The following RGS21 variants were observed in gnomAD, a reference collection of about 807,000 sequenced individuals.
RGS21 encodes regulator of G protein signaling 21, also known as regulator of G-protein signalling 21.
A neutral mutation model predicts 18.7 loss-of-function variants in RGS21; 19 were observed. The observed-to-expected ratio is 1.01, with a 90% confidence interval of 0.71 to 1.49. RGS21 has a LOEUF of 1.49. Among genes scored for constraint, RGS21 ranks in the 40% most tolerant of loss-of-function variants. RGS21 has a pLI of 0.00. For synonymous variants in RGS21, 56 were observed against 57.8 expected, an observed-to-expected ratio of 0.97 and a Z score of 0.14; for missense variants, 194 against 176.8, an observed-to-expected ratio of 1.10 and a Z score of -0.55.
Position 192,351,257 on chromosome 1 carries a change from C to T in RGS21, c.89-790C>T, listed in dbSNP as rs138818275. Among the ~76,000 whole-genome samples the T allele has an allele frequency of 1.6e-3, 246 of 152,188 alleles. 1 individual carries two copies. The highest frequency in any genetic ancestry group is 5.7e-3 in the African/African-American group (235 of 41,552). The stretch of plus-strand genomic sequence containing the variant: ...GCCTTATGGAATTAAAGTTGCTTAT[C>T]GCCACATAAAGGGGAGAAGCATTCA... On this transcript the variant is annotated intron_variant, in intron 3 of 4. Transcript: ENST00000417209.
intron 1 of RGS21, among the ~76,000 whole-genome samples, chr1:192,332,933 C>A (rs769148378): frequency 6.7e-6 from 1 of 148,976 alleles, no homozygotes; most frequent in African/African-American, 2.5e-5. Flanking sequence ...CCAAAAGTCT[C>A]AAAAAAATTT....
intron 1 of RGS21, among the ~76,000 whole-genome samples, chr1:192,332,034 A>C (rs992558228): frequency 6.6e-6 from 1 of 152,124 alleles, no homozygotes; most frequent in Non-Finnish European, 1.5e-5. Flanking sequence ...CCATGGTAAA[A>C]ATTACTAATA....
At position 192,353,126 on chromosome 1, in the gene RGS21, G is replaced by A. The variant is rs77398028; in HGVS notation, c.255+913G>A. Among the ~76,000 whole-genome samples, 315 of 152,038 alleles carry A rather than the reference G, an allele frequency of 2.1e-3. 2 individuals are homozygous for A. Among genetic ancestry groups the A allele is most frequent in the African/African-American group, 7.2e-3 (298 of 41,542 alleles). On this transcript the variant is annotated intron_variant, in intron 4 of 4. Coordinates refer to ENST00000417209, the MANE Select transcript of RGS21 (RefSeq NM_001039152.3). ...GTTACTATGTATTCTGATCCAAAACGAGGATTCATGGTATGAGAGGATGGT... is the reference window on the plus strand; with the variant it reads ...GTTACTATGTATTCTGATCCAAAACAAGGATTCATGGTATGAGAGGATGGT...
At chr1:192,337,342 T>C (rs1464182072) in intron 1 of RGS21, among the ~76,000 whole-genome samples, 2 of 152,048 alleles carry the variant, frequency 1.3e-5, no homozygotes, top group Non-Finnish European at 2.9e-5. Context: ...TGGTATTCCA[T>C]TGAGCTAATT....
chr1:192,338,496 A>T (rs925977373), intron 1 of RGS21, among the ~76,000 whole-genome samples: 3 of 152,048 alleles, frequency 2.0e-5, no homozygotes, highest in Non-Finnish European at 2.9e-5. Flanking sequence ...TTTGTGGTGA[A>T]CTGTCGTGCT....
chr1:192,325,128 G>T (rs1422628953), intron 1 of RGS21, among the ~76,000 whole-genome samples: 2 of 152,020 alleles, frequency 1.3e-5, no homozygotes, highest in East Asian at 3.9e-4. Flanking sequence ...CACTCACGTA[G>T]TGAGCATAGT....
intron 1 of RGS21, among the ~76,000 whole-genome samples, chr1:192,333,986 A>C (rs1207874087): frequency 6.6e-6 from 1 of 152,190 alleles, no homozygotes; most frequent in Non-Finnish European, 1.5e-5. Context: ...AAAAAGTAAA[A>C]ACATGTTTAT....
At chr1:192,335,040 C>T (rs1316595930) in intron 1 of RGS21, among the ~76,000 whole-genome samples, 2 of 151,980 alleles carry the variant, frequency 1.3e-5, no homozygotes, top group South Asian at 2.1e-4. Flanking sequence ...GGTATGATCC[C>T]GAATAAACCT....
chr1:192,327,516 AG>A (rs1294947432), intron 1 of RGS21, among the ~76,000 whole-genome samples: 2 of 151,944 alleles, frequency 1.3e-5, no homozygotes, highest in Non-Finnish European at 2.9e-5. Context: ...CTTGTTGCCC[AG>A]GCTGGAGTGC....
intron 1 of RGS21, among the ~76,000 whole-genome samples, chr1:192,334,260 C>G (rs935154599): frequency 3.9e-5 from 6 of 152,014 alleles, no homozygotes; most frequent in African/African-American, 1.4e-4. Context: ...GTCATGTAAC[C>G]ATGAGTAAAA....
At chr1:192,335,379 C>T (rs865903405) in intron 1 of RGS21, among the ~76,000 whole-genome samples, 28 of 152,154 alleles carry the variant, frequency 1.8e-4, no homozygotes, top group African/African-American at 6.5e-4. Context: ...CACATGATAG[C>T]AGCTTACTAA....
Position 192,366,167 on chromosome 1 carries a change from T to C in RGS21, c.*43T>C. 9.0e-7 allele frequency: 1 copy of C among 1,116,358 alleles called. No individual in the cohort carries two copies. Among genetic ancestry groups the C allele is most frequent in the African/African-American group, 1.6e-5 (1 of 63,722 alleles). The allele number at this position is 1,116,358 out of a possible 1,614,324, so 69.2% of individuals were successfully genotyped here. On this transcript the variant is annotated 3_prime_UTR_variant, in exon 5 of 5. Transcript: ENST00000417209. ...TAATCACTATACTTCAGGGCTACAA[T>C]ATTTTAAATATACAAGCATGATGCA...
At chr1:192,352,909 C>T (rs1022296522) in intron 4 of RGS21, among the ~76,000 whole-genome samples, 1 of 152,026 alleles carries the variant, frequency 6.6e-6, no homozygotes, top group African/African-American at 2.4e-5. Context: ...AAAATTTTAA[C>T]TGTAAAGTTT....
chr1:192,356,064 A>C (rs1659107497), intron 4 of RGS21, among the ~76,000 whole-genome samples: 1 of 151,822 alleles, frequency 6.6e-6, no homozygotes, highest in Admixed American at 6.6e-5. Flanking sequence ...TTAATTCTTA[A>C]ATGTATCTAC....
intron 4 of RGS21, among the ~76,000 whole-genome samples, chr1:192,352,609 T>C (rs893432044): frequency 6.6e-6 from 1 of 152,088 alleles, no homozygotes; most frequent in African/African-American, 2.4e-5. Context: ...TGGATAGCAT[T>C]CTTGAATATT....
chr1:192,351,992 T>C (rs1659048823), intron 3 of RGS21, 55 bp from the exon 4 acceptor site: 1 of 1,005,622 alleles, frequency 9.9e-7, no homozygotes, highest in South Asian at 1.8e-5. Flanking sequence ...CTCATTTTGG[T>C]CATATTACTA....
intron 2 of RGS21, 141 bp downstream of exon 2, chr1:192,343,188 C>T (rs758307812): frequency 5.3e-5 from 44 of 835,074 alleles, no homozygotes; most frequent in Non-Finnish European, 7.7e-5. Flanking sequence ...TCTCCTTTCT[C>T]TACTGATTTC....
intron 1 of RGS21, among the ~76,000 whole-genome samples, chr1:192,332,627 C>G (rs560697910): frequency 3.9e-5 from 6 of 152,108 alleles, no homozygotes; most frequent in Admixed American, 3.9e-4. Context: ...AATTAAAAAC[C>G]TTTGTTCTGT....
At chr1:192,335,995 A>G (rs1658760632) in intron 1 of RGS21, among the ~76,000 whole-genome samples, 2 of 152,236 alleles carry the variant, frequency 1.3e-5, no homozygotes, top group Admixed American at 1.3e-4. Context: ...TGTTGAACAA[A>G]GTATATTTGT....
Sources: allele counts gnomAD v4.1 joint callset (sites outside exome capture counted in the v4.1 genomes callset), GRCh38; gene constraint gnomAD v4.1.1; transcripts MANE v1.5; gene names NCBI Gene and HGNC (gene_info 2026-07-23, HGNC 2026-07-21).